Variants in PCGF3 observed in about 807,000 individuals in gnomAD.
PCGF3 encodes the protein polycomb group ring finger 3.
PCGF3 carries 7 observed loss-of-function variants against 33.1 expected under a neutral mutation model. The ratio of observed to expected loss-of-function variants is 0.21; its 90% CI spans 0.12 to 0.40. PCGF3 has a LOEUF of 0.40. Ranked by LOEUF, PCGF3 falls within the 10% of genes least tolerant of loss-of-function variation. The pLI is 1.00. For synonymous variants in PCGF3, 153 were observed against 121.3 expected, an observed-to-expected ratio of 1.26 and a Z score of -1.72; for missense variants, 211 against 313.3, an observed-to-expected ratio of 0.67 and a Z score of 2.46.
intron 8 of PCGF3, among the ~76,000 whole-genome samples, chr4:754,281 CCT>C (rs1744668483): frequency 6.6e-6 from 1 of 152,230 alleles, no homozygotes; most frequent in Admixed American, 6.5e-5. Flanking sequence ...TGTTTTCACT[CCT>C]CCGAGTTGTG....
chr4:760,489 C>T (rs1344084174), intron 8 of PCGF3, among the ~76,000 whole-genome samples: 1 of 152,128 alleles, frequency 6.6e-6, no homozygotes, highest in Non-Finnish European at 1.5e-5. Context: ...ATCTGATTAC[C>T]TTCAATACTT....
chr4:761,331 A>G (rs1345760851), exon 9 of PCGF3: 1 of 1,609,388 alleles, frequency 6.2e-7, no homozygotes, highest in Non-Finnish European at 8.5e-7. Flanking sequence ...CTGAAGCGGA[A>G]GTGGATCCGC....
chr4:725,975 G>A (rs1483861330), intron 1 of PCGF3, among the ~76,000 whole-genome samples: 3 of 152,102 alleles, frequency 2.0e-5, no homozygotes, highest in Non-Finnish European at 2.9e-5. Flanking sequence ...CCCTCAGGTC[G>A]TCCCAGCCTC....
chr4:769,436 TTC>T (rs1296430775), exon 11 of PCGF3: 81 of 152,834 alleles, frequency 5.3e-4, no homozygotes, highest in African/African-American at 1.7e-3. Context: ...AACATCCAAT[TTC>T]TCTGTTTCCT....
chr4:715,747 G>A (rs1481984875), intron 1 of PCGF3, among the ~76,000 whole-genome samples: 3 of 77,580 alleles, frequency 3.9e-5, no homozygotes, highest in Admixed American at 1.2e-4. Flanking sequence ...TCGGTGCTGG[G>A]ACCCTGTGGA....
At chr4:736,185 T>TA (rs1414039329) in intron 5 of PCGF3, among the ~76,000 whole-genome samples, 1 of 152,016 alleles carries the variant, frequency 6.6e-6, no homozygotes, top group Non-Finnish European at 1.5e-5. Flanking sequence ...GTAGCTGGAA[T>TA]TACAGGCGCA....
rs1743020110 is a variant in PCGF3 at position 720,323 on chromosome 4, A to G, written c.-189-10307A>G. Among the ~76,000 whole-genome samples the G allele has an allele frequency of 6.6e-6, 1 of 151,970 alleles. No individual in the cohort carries two copies. Among genetic ancestry groups the G allele is most frequent in the African/African-American group, 2.4e-5 (1 of 41,384 alleles). The stretch of plus-strand genomic sequence containing the variant: ...CGCCCATGCATCGCTGGGGAGGGTG[A>G]CTGCGGGAGGAGCGCCTGTGCATCG... On this transcript the variant is annotated intron_variant, in intron 1 of 10. Coordinates refer to ENST00000362003, the Ensembl canonical transcript of PCGF3. The surrounding 1 kb of genome is among the most constrained non-coding windows in gnomAD (Gnocchi z 5.6).
chr4:722,860 A>G (rs1577403025), intron 1 of PCGF3, among the ~76,000 whole-genome samples: 1 of 59,936 alleles, frequency 1.7e-5, no homozygotes, highest in Admixed American at 1.9e-4. Context: ...CGACATCGCC[A>G]TCCACGCCGG....
At chr4:760,948 C>T (rs544761077) in intron 8 of PCGF3, among the ~76,000 whole-genome samples, 1 of 152,334 alleles carries the variant, frequency 6.6e-6, no homozygotes, top group Non-Finnish European at 1.5e-5. Context: ...CCCTTTGCGC[C>T]ATGTTTGTCC....
intron 1 of PCGF3, among the ~76,000 whole-genome samples, chr4:711,985 G>GA (rs1742591616): frequency 6.6e-6 from 1 of 151,320 alleles, no homozygotes; most frequent in Admixed American, 6.6e-5. Context: ...AAAAAGAAAA[G>GA]AAAATGTAAT....
At chr4:727,195 G>C (rs1042725901) in intron 1 of PCGF3, among the ~76,000 whole-genome samples, 33 of 140,740 alleles carry the variant, frequency 2.3e-4, no homozygotes, top group African/African-American at 7.8e-4. Flanking sequence ...GAACATTGTT[G>C]TATAAGACTT....
chr4:727,227 G>A (rs1443820522), intron 1 of PCGF3, among the ~76,000 whole-genome samples: 2 of 132,442 alleles, frequency 1.5e-5, no homozygotes, highest in African/African-American at 2.6e-5. Flanking sequence ...GTGTGTTAGC[G>A]AGCGTCTTTT....
In PCGF3 at chr4:760,779, C is replaced by T. The variant is rs180957277; in HGVS notation, c.463-500C>T. ...CCGTGGCTGCTGGGACTCCACAGTC[C>T]CCTTAACAGTCACTTTTTATCCTGC... is the stretch of plus-strand genomic sequence containing the variant. On this transcript the variant is annotated intron_variant, in intron 8 of 10. Transcript: ENST00000362003. Among the ~76,000 whole-genome samples the T allele has an allele frequency of 8.5e-5, 13 of 152,362 alleles. No individual in the cohort carries two copies. In the East Asian group the frequency reaches 9.6e-4, roughly 11 times the overall value.
chr4:732,990 C>T (rs1254620841), intron 3 of PCGF3, among the ~76,000 whole-genome samples: 1 of 151,462 alleles, frequency 6.6e-6, no homozygotes, highest in Non-Finnish European at 1.5e-5. Context: ...GCTGTCAAGG[C>T]AGGGCCTCTG....
intron 1 of PCGF3, among the ~76,000 whole-genome samples, 159 bp downstream of exon 1, chr4:706,129 G>A (rs1288569930): frequency 1.3e-5 from 2 of 151,850 alleles, no homozygotes; most frequent in South Asian, 2.1e-4. Flanking sequence ...CGGGAGGGCC[G>A]GCACCCCAGC....
chr4:710,554 G>A (rs1325957560), intron 1 of PCGF3, among the ~76,000 whole-genome samples: 1 of 152,250 alleles, frequency 6.6e-6, no homozygotes, highest in Admixed American at 6.5e-5. Context: ...AAGTAAATCA[G>A]CGATTGCGTG....
In PCGF3 at chr4:742,086, G is replaced by A. The variant is rs183837574; in HGVS notation, c.263-1388G>A. 7.2e-3 allele frequency among the ~76,000 whole-genome samples: 1,099 copies of A among 151,692 alleles called. 5 individuals carry two copies. Among genetic ancestry groups the A allele is most frequent in the Non-Finnish European group, 0.012 (815 of 67,954 alleles). On this transcript the variant is annotated intron_variant, in intron 6 of 10. Coordinates refer to ENST00000362003, the Ensembl canonical transcript of PCGF3. ...TCCAGCACTCCATCCACCTGCGGCC[G>A]GCCCCACCTATCCCCTTGGCTCTCA...
chr4:727,233 C>CTGTTTTTTT (rs1743367107), intron 1 of PCGF3, among the ~76,000 whole-genome samples: 6 of 61,890 alleles, frequency 9.7e-5, no homozygotes, highest in East Asian at 5.9e-4. Context: ...TAGCGAGCGT[C>CTGTTTTTTT]TTTTTTTTTT....
intron 1 of PCGF3, among the ~76,000 whole-genome samples, chr4:729,369 C>T (rs923661840): frequency 1.3e-5 from 2 of 150,384 alleles, no homozygotes; most frequent in African/African-American, 4.9e-5. Flanking sequence ...GAGCCAAGAT[C>T]GTGCCACTGC....
Sources: allele counts gnomAD v4.1 joint callset (sites outside exome capture counted in the v4.1 genomes callset), GRCh38; gene constraint gnomAD v4.1.1; non-coding constraint Gnocchi (gnomAD v3.1); transcripts MANE v1.5; gene names NCBI Gene and HGNC (gene_info 2026-07-23, HGNC 2026-07-21).